The following SAMHD1 variants were observed in gnomAD, a reference collection of about 807,000 sequenced individuals.
SAMHD1 encodes the protein deoxynucleoside triphosphate triphosphohydrolase SAMHD1.
In SAMHD1, 54 loss-of-function variants were observed where a neutral mutation model predicts 79.6. That is an observed-to-expected ratio of 0.68 (90% CI 0.55 to 0.85). SAMHD1 has a LOEUF of 0.85. Among genes scored for constraint, SAMHD1 ranks in the 40% least tolerant of loss-of-function variants. The probability of loss-of-function intolerance (pLI) is 0.00; values close to 1 mark genes in which losing one functional copy is unlikely to be tolerated. For synonymous variants in SAMHD1, 260 were observed against 264.1 expected (o/e 0.98, Z 0.15); for missense variants, 663 against 782.7 (o/e 0.85, Z 1.82).
At position 36,947,714 on chromosome 20, in the gene SAMHD1, T is replaced by C. The variant is rs574274741; in HGVS notation, c.209-910A>G. On this transcript the variant is annotated intron_variant, in intron 1 of 15. Transcript: ENST00000646673. Reference sequence around the variant, plus strand: ...GACAGGGTTTTGCTTGTTGCCCAGGTTGGAGTGCAGTGGTGCGATCACATC... The same window carrying C: ...GACAGGGTTTTGCTTGTTGCCCAGGCTGGAGTGCAGTGGTGCGATCACATC... Among the ~76,000 whole-genome samples the C allele has an allele frequency of 9.9e-5, 15 of 152,134 alleles. 1 individual carries two copies. Among genetic ancestry groups the C allele is most frequent in the African/African-American group, 3.4e-4 (14 of 41,516 alleles).
At chr20:36,915,208 T>C (rs1347494493) in intron 9 of SAMHD1, among the ~76,000 whole-genome samples, 1 of 151,404 alleles carries the variant, frequency 6.6e-6, no homozygotes, top group Admixed American at 6.6e-5. Flanking sequence ...TAGCCAAGCA[T>C]AGGCCTGTAG....
intron 2 of SAMHD1, among the ~76,000 whole-genome samples, chr20:36,944,753 G>C (rs1403851520): frequency 1.3e-5 from 2 of 152,110 alleles, no homozygotes; most frequent in Admixed American, 6.6e-5. Flanking sequence ...AATTAGCTGG[G>C]CATGGTGGCG....
At chr20:36,927,582 G>C (rs1447535009) in intron 5 of SAMHD1, among the ~76,000 whole-genome samples, 1 of 152,108 alleles carries the variant, frequency 6.6e-6, no homozygotes. Context: ...CTCCCAAAGT[G>C]CTGGGATTAC....
intron 1 of SAMHD1, among the ~76,000 whole-genome samples, chr20:36,951,225 C>A (rs1409953279): frequency 6.6e-6 from 1 of 152,140 alleles, no homozygotes; most frequent in Non-Finnish European, 1.5e-5. Flanking sequence ...ATGCCGCAGG[C>A]CCTCCTGGGA....
intron 2 of SAMHD1, among the ~76,000 whole-genome samples, chr20:36,942,758 C>T (rs573666002): frequency 3.9e-5 from 6 of 152,052 alleles, no homozygotes; most frequent in South Asian, 2.1e-4. Context: ...GCCATTCTCC[C>T]GCCTCAGCCT....
intron 9 of SAMHD1, among the ~76,000 whole-genome samples, chr20:36,915,784 G>A (rs1045730782): frequency 1.3e-5 from 2 of 151,574 alleles, no homozygotes; most frequent in African/African-American, 4.8e-5. Context: ...TTTTCAACTA[G>A]GAGAGGGGAC....
At chr20:36,927,936 C>T (rs1413384880) in intron 5 of SAMHD1, among the ~76,000 whole-genome samples, 1 of 152,202 alleles carries the variant, frequency 6.6e-6, no homozygotes, top group Non-Finnish European at 1.5e-5. Context: ...AAGTCATCCT[C>T]CTGCCTCAGC....
At chr20:36,912,700 T>A in intron 9 of SAMHD1, 148 bp from the exon 10 acceptor site, 2 of 521,454 alleles carry the variant, frequency 3.8e-6, no homozygotes, top group Non-Finnish European at 3.6e-6. Flanking sequence ...TTGACCCCAC[T>A]AAAAAATGAG....
chr20:36,934,994 AAAAC>A, intron 4 of SAMHD1, 31 bp downstream of exon 4: 1 of 1,607,396 alleles, frequency 6.2e-7, no homozygotes, highest in South Asian at 1.1e-5. Context: ...AAAATACTTA[AAAAC>A]TGCAAGTTCC....
At chr20:36,898,252 T>A (rs1263068980) in intron 14 of SAMHD1, among the ~76,000 whole-genome samples, 188 bp downstream of exon 14, 1 of 152,166 alleles carries the variant, frequency 6.6e-6, no homozygotes, top group Non-Finnish European at 1.5e-5. Context: ...GATCTTAAGC[T>A]CTTCGTCTCA....
At chr20:36,893,957 C>CAGG (rs1445013455) in intron 15 of SAMHD1, 1 of 398,428 alleles carries the variant, frequency 2.5e-6, no homozygotes, top group Non-Finnish European at 4.4e-6. Context: ...GCAGAGAAGT[C>CAGG]AGGTTTTTTC....
intron 11 of SAMHD1, among the ~76,000 whole-genome samples, chr20:36,907,938 C>T (rs1304503867): frequency 1.3e-5 from 2 of 151,758 alleles, no homozygotes; most frequent in Admixed American, 6.6e-5. Context: ...TACAGTGATG[C>T]CATCTCAGCT....
At chr20:36,899,888 G>A (rs1990269659) in intron 13 of SAMHD1, among the ~76,000 whole-genome samples, 1 of 152,144 alleles carries the variant, frequency 6.6e-6, no homozygotes, top group South Asian at 2.1e-4. Flanking sequence ...GAGGTCAGGA[G>A]ATCAAGACCA....
Position 36,911,332 on chromosome 20 carries a change from T to A in SAMHD1, c.1156A>T (p.Ile386Phe). The A allele has an allele frequency of 6.2e-7, 1 of 1,601,482 alleles. No homozygotes were observed. The highest frequency in any genetic ancestry group is 1.1e-5 in the South Asian group (1 of 90,866). ...TCTGCTTTGAGGAAAGCATCTGTAA[T>A]CCTAAAAATCATTTTGCAAAAATTT... ...HKVGNIIDTM[I>F]TDAFLKADDY... The change falls in exon 11 of 16, where the codon ATT becomes TTT. Residue 386 changes from isoleucine to phenylalanine, a missense_variant and splice_region_variant. Transcript: ENST00000646673.
At chr20:36,927,592 C>T (rs1248124747) in intron 5 of SAMHD1, among the ~76,000 whole-genome samples, 1 of 152,160 alleles carries the variant, frequency 6.6e-6, no homozygotes, top group Non-Finnish European at 1.5e-5. Flanking sequence ...GCTGGGATTA[C>T]AGGCGTGAGC....
intron 4 of SAMHD1, among the ~76,000 whole-genome samples, chr20:36,932,613 C>T (rs371521887): frequency 6.6e-6 from 1 of 151,794 alleles, no homozygotes; most frequent in South Asian, 2.1e-4. Context: ...GACGGGGTTT[C>T]GCCATGTTGC....
rs1990112081 is a variant in SAMHD1, at chr20:36,892,912, A to C, written c.*20T>G. Reference sequence around the variant, plus strand: ...GAATTGTGCAGGAGAGGGAGTTTGTAAACAACTGACTACAGACATTCACAT... The same window carrying C: ...GAATTGTGCAGGAGAGGGAGTTTGTCAACAACTGACTACAGACATTCACAT... On this transcript the variant is annotated 3_prime_UTR_variant, in exon 16 of 16. Coordinates refer to ENST00000646673, the MANE Select transcript of SAMHD1 (RefSeq NM_015474.4). The C allele has an allele frequency of 6.2e-7, 1 of 1,614,078 alleles. No homozygotes were observed. The highest frequency in any genetic ancestry group is 1.1e-5 in the South Asian group (1 of 91,068).
intron 3 of SAMHD1, among the ~76,000 whole-genome samples, chr20:36,939,942 T>C (rs1243232717): frequency 6.6e-6 from 1 of 152,146 alleles, no homozygotes; most frequent in Non-Finnish European, 1.5e-5. Flanking sequence ...CAGTGGCTCA[T>C]GCCTGTAGTC....
Position 36,951,684 on chromosome 20 carries a change from C to G in SAMHD1, c.-41G>C. ...CCGGCACAGCAGTCAAGAACCTCGGCGCCGGACCCGCGCGCAGGCGCACTG... is the reference window on the plus strand; with the variant it reads ...CCGGCACAGCAGTCAAGAACCTCGGGGCCGGACCCGCGCGCAGGCGCACTG... On this transcript the variant is annotated 5_prime_UTR_variant, in exon 1 of 16. Coordinates refer to ENST00000646673, the MANE Select transcript of SAMHD1 (RefSeq NM_015474.4). 6.2e-7 allele frequency: 1 copy of G among 1,609,978 alleles called. No individual in the cohort carries two copies. Among genetic ancestry groups the G allele is most frequent in the Admixed American group, 1.7e-5 (1 of 60,010 alleles).
Sources: gnomAD v4.1 joint callset for allele counts (sites outside exome capture counted in the v4.1 genomes callset) on GRCh38, gnomAD v4.1.1 for gene constraint, MANE v1.5 for transcripts, NCBI Gene and HGNC (gene_info 2026-07-23, HGNC 2026-07-21) for gene names.